Variants in CEP128 observed in about 807,000 individuals in gnomAD.
CEP128 encodes centrosomal protein 128kDa.
Under a neutral mutation model 156.7 loss-of-function variants are expected in CEP128, and 132 were observed. The ratio of observed to expected loss-of-function variants is 0.84; its 90% confidence interval spans 0.73 to 0.97. The LOEUF is 0.97. CEP128 is among the 50% of genes least tolerant of loss of function. The pLI is 0.00. For missense variants in CEP128, 1,252 were observed against 1,281.9 expected (o/e 0.98, Z 0.36); for synonymous variants, 469 against 448.9 (o/e 1.04, Z -0.57).
chr14:80,613,292 ATTTTTTTTTTTTT>A (rs60007458), intron 19 of CEP128, among the ~76,000 whole-genome samples: 2 of 65,426 alleles, frequency 3.1e-5, no homozygotes, highest in Non-Finnish European at 2.6e-5. Context: ...AATGGAGAGC[ATTTTTTTTTTTTT>A]TTTTTTTTTT....
intron 13 of CEP128, among the ~76,000 whole-genome samples, chr14:80,814,891 T>C (rs2139965391): frequency 6.6e-6 from 1 of 152,256 alleles, no homozygotes; most frequent in Non-Finnish European, 1.5e-5. Flanking sequence ...ACCCTGTCTC[T>C]ACTAAAAATA....
At chr14:80,734,937 A>C (rs1305661837) in intron 19 of CEP128, among the ~76,000 whole-genome samples, 1 of 150,888 alleles carries the variant, frequency 6.6e-6, no homozygotes, top group African/African-American at 2.4e-5. Context: ...TCTTGAATTT[A>C]GTTTTCAAAA....
At chr14:80,575,807 C>T (rs1460047396) in intron 20 of CEP128, among the ~76,000 whole-genome samples, 1 of 152,024 alleles carries the variant, frequency 6.6e-6, no homozygotes, top group Non-Finnish European at 1.5e-5. Flanking sequence ...AGTAACCTAC[C>T]AATGGCTTAG....
chr14:80,745,898 A>G (rs1035535626), intron 18 of CEP128, among the ~76,000 whole-genome samples: 2 of 152,050 alleles, frequency 1.3e-5, no homozygotes, highest in Non-Finnish European at 2.9e-5. Flanking sequence ...AAAAGAGTCC[A>G]GCATATTATA....
At chr14:80,651,528 T>C in intron 19 of CEP128, among the ~76,000 whole-genome samples, 1 of 152,210 alleles carries the variant, frequency 6.6e-6, no homozygotes, top group East Asian at 1.9e-4. Context: ...ATTTTAGATC[T>C]TTCCAGCTTT....
At chr14:80,784,594 G>A (rs1816609631) in intron 15 of CEP128, among the ~76,000 whole-genome samples, 1 of 152,132 alleles carries the variant, frequency 6.6e-6, no homozygotes, top group South Asian at 2.1e-4. Flanking sequence ...GGTCATAAAT[G>A]TTGAATGAGG....
chr14:80,695,289 G>C (rs1467681448), intron 19 of CEP128, among the ~76,000 whole-genome samples: 1 of 152,178 alleles, frequency 6.6e-6, no homozygotes, highest in Non-Finnish European at 1.5e-5. Context: ...TTTGTCTAGA[G>C]AGAGTGGTTG....
At chr14:80,509,088 C>T (rs1888123517) in intron 23 of CEP128, among the ~76,000 whole-genome samples, 2 of 152,146 alleles carry the variant, frequency 1.3e-5, no homozygotes, top group Non-Finnish European at 2.9e-5. Context: ...AACTCCCTCA[C>T]TATCACAAGA....
At chr14:80,827,789 A>T (rs533118214) in intron 13 of CEP128, among the ~76,000 whole-genome samples, 2 of 152,226 alleles carry the variant, frequency 1.3e-5, no homozygotes, top group Non-Finnish European at 2.9e-5. Context: ...GCATAAGAGA[A>T]TAATGTTTTC....
intron 20 of CEP128, among the ~76,000 whole-genome samples, chr14:80,561,186 G>C (rs1021175189): frequency 2.0e-5 from 3 of 152,174 alleles, no homozygotes; most frequent in African/African-American, 7.2e-5. Context: ...TTGGCTATGT[G>C]GGCATGAGTT....
intron 9 of CEP128, among the ~76,000 whole-genome samples, chr14:80,848,480 C>T (rs540397483): frequency 2.0e-5 from 3 of 151,878 alleles, no homozygotes; most frequent in Non-Finnish European, 2.9e-5. Flanking sequence ...GTCAACATGA[C>T]GAAACTCCAT....
At chr14:80,802,375 G>A (rs1280730448) in intron 13 of CEP128, among the ~76,000 whole-genome samples, 4 of 152,062 alleles carry the variant, frequency 2.6e-5, no homozygotes, top group Non-Finnish European at 5.9e-5. Context: ...GAATGAGATC[G>A]TGTCCTCTGC....
intron 19 of CEP128, among the ~76,000 whole-genome samples, chr14:80,677,277 T>G (rs1178177749): frequency 6.6e-6 from 1 of 152,018 alleles, no homozygotes; most frequent in African/African-American, 2.4e-5. Context: ...GAGGCTGAGG[T>G]GGGCAGATCA....
intron 8 of CEP128, among the ~76,000 whole-genome samples, chr14:80,868,230 T>C (rs1001958929): frequency 2.6e-5 from 4 of 152,202 alleles, no homozygotes; most frequent in African/African-American, 9.7e-5. Context: ...TATACTCAAA[T>C]TATAATACTC....
intron 9 of CEP128, among the ~76,000 whole-genome samples, chr14:80,852,806 C>T (rs916881050): frequency 6.6e-6 from 1 of 151,744 alleles, no homozygotes; most frequent in Non-Finnish European, 1.5e-5. Flanking sequence ...CCATCTAATT[C>T]ATTTTATGAC....
chr14:80,526,777 C>T, intron 23 of CEP128, 92 bp downstream of exon 23: 1 of 621,210 alleles, frequency 1.6e-6, no homozygotes, highest in South Asian at 2.2e-5. Context: ...TCACAAGTGC[C>T]CTTACACAAA....
chr14:80,810,283 A>ATTG (rs1331678585), intron 13 of CEP128, among the ~76,000 whole-genome samples: 1 of 128,962 alleles, frequency 7.8e-6, no homozygotes, highest in Admixed American at 9.4e-5. Flanking sequence ...AGATCGCGCC[A>ATTG]TTGCACTCCA....
chr14:80,704,479 A>G (rs1897172844), intron 19 of CEP128, among the ~76,000 whole-genome samples: 1 of 152,090 alleles, frequency 6.6e-6, no homozygotes, highest in Admixed American at 6.6e-5. Context: ...ATATGTGTGT[A>G]GAATATGTAC....
chr14:80,555,975 C>T (rs1890418901), intron 21 of CEP128, among the ~76,000 whole-genome samples: 1 of 151,948 alleles, frequency 6.6e-6, no homozygotes, highest in African/African-American at 2.4e-5. Context: ...GTACAAATTC[C>T]TTGAAGGCAT....
Sources: gnomAD v4.1 joint callset for allele counts (sites outside exome capture counted in the v4.1 genomes callset) on GRCh38, gnomAD v4.1.1 for gene constraint, MANE v1.5 for transcripts, NCBI Gene and HGNC (gene_info 2026-07-23, HGNC 2026-07-21) for gene names.